Variants in PROKR1 observed in about 807,000 individuals in gnomAD.
PROKR1 encodes the protein prokineticin receptor 1.
Under a neutral mutation model 22.8 loss-of-function variants are expected in PROKR1, and 21 were observed. That is an observed-to-expected ratio of 0.92 (90% CI 0.65 to 1.32). PROKR1 has a LOEUF of 1.32. PROKR1 is among the 40% of genes most tolerant of loss of function. The pLI is 0.00. For synonymous variants in PROKR1, 193 were observed against 207.5 expected (o/e 0.93, Z 0.60); for missense variants, 548 against 514.2 (o/e 1.07, Z -0.64).
At position 68,646,101 on chromosome 2, in the gene PROKR1, C is replaced by A; in HGVS notation, c.280C>A (p.Arg94Ser). The change falls in exon 2 of 3, where the codon CGC (arginine) becomes AGC (serine). Residue 94 changes from arginine to serine, a missense_variant. Arg to Ser is a moderately radical substitution (Grantham distance 110, BLOSUM62 -1). Coordinates refer to ENST00000303786, the MANE Select transcript of PROKR1 (RefSeq NM_138964.4). ...TGCCCTGGTCCGCTACAAGAAACTG[C>A]GCAACCTCACCAACCTGCTCATCGC... ...IAALVRYKKL[R>S]NLTNLLIANL... 6.2e-7 allele frequency: 1 copy of A among 1,613,556 alleles called. No homozygotes were observed. The highest frequency in any genetic ancestry group is 1.1e-5 in the South Asian group (1 of 91,040).
chr2:68,650,057 G>A (rs1272714629), intron 2 of PROKR1, among the ~76,000 whole-genome samples: 3 of 130,462 alleles, frequency 2.3e-5, no homozygotes, highest in Non-Finnish European at 3.2e-5. Context: ...CACACTCTGG[G>A]GACTGTTGTG....
chr2:68,645,326 G>A (rs1478227627), intron 1 of PROKR1, among the ~76,000 whole-genome samples: 1 of 151,586 alleles, frequency 6.6e-6, no homozygotes, highest in Non-Finnish European at 1.5e-5. Flanking sequence ...TTGTCTGAAA[G>A]CCCTCCCTCT....
chr2:68,649,797 C>T (rs1180922356), intron 2 of PROKR1, among the ~76,000 whole-genome samples: 3 of 151,852 alleles, frequency 2.0e-5, no homozygotes, highest in Admixed American at 6.6e-5. Context: ...GAGCAAGCAT[C>T]CCAGACAAGG....
chr2:68,644,145 G>A (rs574072639), intron 1 of PROKR1, among the ~76,000 whole-genome samples: 107 of 152,318 alleles, frequency 7.0e-4, no homozygotes, highest in African/African-American at 2.5e-3. Context: ...TGAACGGTGA[G>A]AATAAAGGAG....
At chr2:68,648,989 AC>A (rs1178497939) in intron 2 of PROKR1, among the ~76,000 whole-genome samples, 2 of 152,242 alleles carry the variant, frequency 1.3e-5, no homozygotes, top group African/African-American at 4.8e-5. Flanking sequence ...AATATTCAAA[AC>A]AGTAAGCAAT....
rs1451397127 is a variant in PROKR1, at chr2:68,657,292, C to A, written c.*1716C>A. Reference sequence around the variant, plus strand: ...GTGTAGTGCGCCTGGACAAGAAAAACCTCTTACTTTGGCTTGTGTATCCAG... The same window carrying A: ...GTGTAGTGCGCCTGGACAAGAAAAAACTCTTACTTTGGCTTGTGTATCCAG... On this transcript the variant is annotated 3_prime_UTR_variant, in exon 3 of 3. Transcript: ENST00000303786. 3.3e-5 allele frequency: 5 copies of A among 152,192 alleles called. No homozygotes were observed. The East Asian group carries it at 9.6e-4, about 29-fold the overall frequency. 9.4% of individuals were successfully genotyped at this position (152,192 alleles called of 1,614,324 possible).
chr2:68,652,050 T>C (rs764677803), intron 2 of PROKR1, among the ~76,000 whole-genome samples: 58 of 152,122 alleles, frequency 3.8e-4, no homozygotes, highest in Non-Finnish European at 7.9e-4. Flanking sequence ...GGGGGCATCA[T>C]TTTGCTCTTG....
Position 68,646,087 on chromosome 2 carries a change from G to A in PROKR1, c.266G>A (p.Arg89His), listed in dbSNP as rs150860263. ...TTCATCTTTATCGCTGCCCTGGTCC[G>A]CTACAAGAAACTGCGCAACCTCACC... ...GNFIFIAALV[R>H]YKKLRNLTNL... Residue 89 changes from arginine (R) to histidine (H), a missense_variant, in exon 2 of 3, where the codon CGC becomes CAC. By Grantham distance (29) the Arg-to-His change is conservative. Coordinates refer to ENST00000303786, the MANE Select transcript of PROKR1 (RefSeq NM_138964.4). The A allele has an allele frequency of 2.1e-4, 337 of 1,613,886 alleles. No individual in the cohort carries two copies. The highest frequency in any genetic ancestry group is 3.3e-4 in the Middle Eastern group (2 of 6,062).
At chr2:68,653,392 G>A (rs1464487850) in intron 2 of PROKR1, among the ~76,000 whole-genome samples, 1 of 151,618 alleles carries the variant, frequency 6.6e-6, no homozygotes, top group Non-Finnish European at 1.5e-5. Flanking sequence ...CCAGGCTGTG[G>A]GGGAGGGACA....
intron 1 of PROKR1, 88 bp from the exon 2 acceptor site, chr2:68,645,574 C>T (rs1673157296): frequency 3.5e-6 from 2 of 579,456 alleles, no homozygotes; most frequent in Admixed American, 3.0e-5. Flanking sequence ...GGGCAGGGAG[C>T]TAATAGGTCT....
rs1558581001 is a variant in PROKR1 at position 68,657,208 on chromosome 2, C to T, written c.*1632C>T. On this transcript the variant is annotated 3_prime_UTR_variant, in exon 3 of 3. Coordinates refer to ENST00000303786, the MANE Select transcript of PROKR1 (RefSeq NM_138964.4). ...GAGTGGCTATGAGAAGCCAATGAGA[C>T]AATACGTGGGAGATGCCTTCAACCA... 1 of 152,184 alleles carries T rather than the reference C, an allele frequency of 6.6e-6. No homozygotes were observed. The highest frequency in any genetic ancestry group is 1.5e-5 in the Non-Finnish European group (1 of 68,046). 9.4% of individuals were successfully genotyped at this position (152,184 alleles called of 1,614,324 possible).
intron 2 of PROKR1, among the ~76,000 whole-genome samples, chr2:68,647,474 T>C (rs1673212227): frequency 6.6e-6 from 1 of 152,174 alleles, no homozygotes. Flanking sequence ...GCATACATGC[T>C]CTCCCTGTTC....
chr2:68,653,835 GT>G (rs146331173), intron 2 of PROKR1, among the ~76,000 whole-genome samples: 3 of 151,058 alleles, frequency 2.0e-5, no homozygotes, highest in South Asian at 2.1e-4. Context: ...AGCAATGTGG[GT>G]TTTTTTTTGA....
chr2:68,650,082 G>T (rs1251345406), intron 2 of PROKR1, among the ~76,000 whole-genome samples: 1 of 112,134 alleles, frequency 8.9e-6, no homozygotes, highest in African/African-American at 3.4e-5. Flanking sequence ...GGGGGGAGGG[G>T]GGAGGGATAG....
Position 68,656,550 on chromosome 2 carries a change from C to T in PROKR1, c.*974C>T, listed in dbSNP as rs1365313574. 6.6e-6 allele frequency: 1 copy of T among 152,212 alleles called. No individual in the cohort carries two copies. Among genetic ancestry groups the T allele is most frequent in the Non-Finnish European group, 1.5e-5 (1 of 68,056 alleles). The allele number at this position is 152,212 out of a possible 1,614,324, so 9.4% of individuals were successfully genotyped here. A position where few individuals can be genotyped will look rare whatever the true frequency, so the allele number is the denominator to read the frequency against. Reference sequence around the variant, plus strand: ...TAAGTCCTTCCCTTCCCTCTCACGCCTCCATGCTTGTGAAGCATAGAATCT... The same window carrying T: ...TAAGTCCTTCCCTTCCCTCTCACGCTTCCATGCTTGTGAAGCATAGAATCT... On this transcript the variant is annotated 3_prime_UTR_variant, in exon 3 of 3. Coordinates refer to ENST00000303786, the MANE Select transcript of PROKR1 (RefSeq NM_138964.4).
rs1673503466 is a variant in PROKR1, at chr2:68,657,825, C to T, written c.*2249C>T. On this transcript the variant is annotated 3_prime_UTR_variant, in exon 3 of 3. Coordinates refer to ENST00000303786, the MANE Select transcript of PROKR1 (RefSeq NM_138964.4). ...TTACAAAAACCTATTTATTTCTTCC[C>T]ATTTATCACCCAGTAGACTTACCCT... The T allele has an allele frequency of 6.6e-6, 1 of 152,164 alleles. No homozygotes were observed. The highest frequency in any genetic ancestry group is 1.5e-5 in the Non-Finnish European group (1 of 68,032). 9.4% of individuals were successfully genotyped at this position (152,164 alleles called of 1,614,324 possible).
intron 2 of PROKR1, among the ~76,000 whole-genome samples, chr2:68,653,733 C>G (rs571972569): frequency 2.8e-4 from 43 of 152,276 alleles, no homozygotes; most frequent in African/African-American, 9.4e-4. Flanking sequence ...CGTTCTCTCT[C>G]GGAAAGAGGC....
chr2:68,650,405 A>G (rs1255312602), intron 2 of PROKR1, among the ~76,000 whole-genome samples: 1 of 152,164 alleles, frequency 6.6e-6, no homozygotes, highest in Non-Finnish European at 1.5e-5. Flanking sequence ...TTATATATTA[A>G]AAATAAATTT....
At chr2:68,647,239 TTTC>T (rs1466286513) in intron 2 of PROKR1, among the ~76,000 whole-genome samples, 1 of 152,210 alleles carries the variant, frequency 6.6e-6, no homozygotes, top group Non-Finnish European at 1.5e-5. Context: ...TCTGCATATC[TTTC>T]TTCAACTTAG....
Sources: allele counts gnomAD v4.1 joint callset (sites outside exome capture counted in the v4.1 genomes callset), GRCh38; gene constraint gnomAD v4.1.1; transcripts MANE v1.5; gene names NCBI Gene and HGNC (gene_info 2026-07-23, HGNC 2026-07-21).